ADGRL2: variants seen among roughly 807,000 people sequenced by gnomAD.
ADGRL2 encodes adhesion G protein-coupled receptor L2.
Under a neutral mutation model 157.4 loss-of-function variants are expected in ADGRL2, and 44 were observed. The ratio of observed to expected loss-of-function variants is 0.28; its 90% confidence interval spans 0.22 to 0.36. The LOEUF (loss-of-function observed/expected upper bound fraction) is 0.36. Among genes scored for constraint, ADGRL2 ranks in the 10% least tolerant of loss-of-function variants. The pLI is 1.00. For missense variants in ADGRL2, 1,510 were observed against 1,768.9 expected, an observed-to-expected ratio of 0.85 and a Z score of 2.63; for synonymous variants, 585 against 624.7, an observed-to-expected ratio of 0.94 and a Z score of 0.95.
At chr1:81,594,074 A>G (rs930928715) in intron 3 of ADGRL2, among the ~76,000 whole-genome samples, 1 of 152,186 alleles carries the variant, frequency 6.6e-6, no homozygotes, top group Admixed American at 6.5e-5. Context: ...TAAGCTTCCA[A>G]TTTTTAGATT....
intron 2 of ADGRL2, among the ~76,000 whole-genome samples, chr1:81,532,759 A>C (rs2079631837): frequency 6.6e-6 from 1 of 151,810 alleles, no homozygotes; most frequent in Non-Finnish European, 1.5e-5. Context: ...TACAAAAAAT[A>C]AATGTAAAAA....
intron 1 of ADGRL2, among the ~76,000 whole-genome samples, chr1:81,352,576 C>T (rs1433213319): frequency 6.6e-6 from 1 of 152,100 alleles, no homozygotes; most frequent in Admixed American, 6.6e-5. Flanking sequence ...CCTCGAAATT[C>T]TAGCTTCAAT....
chr1:81,493,233 TAGCATGATAGCTC>T (rs2078668947), intron 2 of ADGRL2, among the ~76,000 whole-genome samples: 1 of 152,150 alleles, frequency 6.6e-6, no homozygotes, highest in Non-Finnish European at 1.5e-5. Context: ...CTAAATGCAA[TAGCATGATAGCTC>T]AGCAGATGCA....
chr1:81,682,452 G>A (rs918801022), intron 3 of ADGRL2, among the ~76,000 whole-genome samples: 1 of 152,100 alleles, frequency 6.6e-6, no homozygotes, highest in Non-Finnish European at 1.5e-5. Flanking sequence ...TGTTTCATAT[G>A]CTTCACTGCA....
At chr1:81,573,402 T>C (rs1033558791) in intron 2 of ADGRL2, among the ~76,000 whole-genome samples, 5 of 152,154 alleles carry the variant, frequency 3.3e-5, no homozygotes, top group Non-Finnish European at 5.9e-5. Context: ...CCTTTCCCAC[T>C]CTGTTTCTTT....
chr1:81,326,864 T>C (rs981911942), intron 1 of ADGRL2, among the ~76,000 whole-genome samples: 1 of 152,346 alleles, frequency 6.6e-6, no homozygotes, highest in East Asian at 1.9e-4. Context: ...AGCTAGGAGA[T>C]AAACTGATCG....
intron 2 of ADGRL2, among the ~76,000 whole-genome samples, chr1:81,553,244 C>T (rs920677404): frequency 6.6e-6 from 1 of 152,078 alleles, no homozygotes; most frequent in South Asian, 2.1e-4. Context: ...TTTATATCTG[C>T]ATATAATAAA....
chr1:81,700,367 T>C (rs2149028734), intron 1 of ADGRL2, among the ~76,000 whole-genome samples: 1 of 152,292 alleles, frequency 6.6e-6, no homozygotes, highest in Non-Finnish European at 1.5e-5. Flanking sequence ...TCCATTATGT[T>C]TGATAAGGAT....
In ADGRL2 at chr1:81,991,056, G is replaced by T. The variant is rs773682494; in HGVS notation, c.4321G>T (p.Asp1441Tyr). 6.2e-7 allele frequency: 1 copy of T among 1,613,774 alleles called. No individual in the cohort carries two copies. Residue 1441 changes from aspartate to tyrosine, a missense_variant, in exon 24 of 24, where the codon GAT becomes TAT. Transcript: ENST00000686636. The part of the protein sequence containing the change: ...MCYQISRGNS[D>Y]GYIIPINKEG... ...CTACCAGATCAGCAGGGGCAATAGT[G>T]ATGGTTATATAATCCCCATTAACAA...
intron 1 of ADGRL2, among the ~76,000 whole-genome samples, chr1:81,748,261 G>T (rs933427283): frequency 1.3e-5 from 2 of 151,860 alleles, no homozygotes; most frequent in Non-Finnish European, 2.9e-5. Flanking sequence ...GACAGATCAC[G>T]AGGTCAAGAG....
chr1:81,867,369 C>A (rs2093571096), intron 2 of ADGRL2, among the ~76,000 whole-genome samples: 1 of 152,150 alleles, frequency 6.6e-6, no homozygotes, highest in Non-Finnish European at 1.5e-5. Flanking sequence ...TAAAAACGAA[C>A]CAAACTTCTT....
At chr1:81,310,163 C>T (rs17452252) in intron 1 of ADGRL2, among the ~76,000 whole-genome samples, 6,042 of 152,152 alleles carry the variant, frequency 0.04, 185 homozygotes, top group Middle Eastern at 0.095. Context: ...CATGTTTAAA[C>T]GGTCTGACGG....
intron 2 of ADGRL2, among the ~76,000 whole-genome samples, chr1:81,768,887 C>G (rs1443077584): frequency 1.3e-5 from 2 of 152,120 alleles, no homozygotes; most frequent in South Asian, 2.1e-4. Flanking sequence ...TTGAGACTAG[C>G]CTGGCCAACA....
intron 3 of ADGRL2, among the ~76,000 whole-genome samples, chr1:81,661,825 G>A (rs1313728440): frequency 1.3e-5 from 2 of 152,084 alleles, no homozygotes; most frequent in African/African-American, 4.8e-5. Context: ...CATATTCTGG[G>A]TGAATGTATT....
At chr1:81,936,933 A>G (rs1329574256) in intron 4 of ADGRL2, 96 bp downstream of exon 4, 2 of 752,756 alleles carry the variant, frequency 2.7e-6, no homozygotes, top group East Asian at 2.5e-5. Flanking sequence ...TTTATGGCCT[A>G]CAAAACCATT....
chr1:81,364,925 A>T (rs1177865102), intron 1 of ADGRL2, among the ~76,000 whole-genome samples: 1 of 152,088 alleles, frequency 6.6e-6, no homozygotes, highest in Non-Finnish European at 1.5e-5. Context: ...AGGCCTCCCA[A>T]AGTGCTGAGA....
At chr1:81,362,083 C>T (rs2075989578) in intron 1 of ADGRL2, among the ~76,000 whole-genome samples, 1 of 151,870 alleles carries the variant, frequency 6.6e-6, no homozygotes, top group South Asian at 2.1e-4. Flanking sequence ...TCCCAAGGTG[C>T]TAAATATTAG....
chr1:81,585,898 C>T (rs1440194631), intron 3 of ADGRL2: 1 of 151,322 alleles, frequency 6.6e-6, no homozygotes, highest in Non-Finnish European at 1.5e-5. Flanking sequence ...TACACACAAA[C>T]ACATTTAAGG....
At chr1:81,952,878 A>G (rs547978767) in intron 9 of ADGRL2, 109 bp from the exon 10 acceptor site, 7 of 820,198 alleles carry the variant, frequency 8.5e-6, no homozygotes, top group African/African-American at 8.4e-5. Flanking sequence ...ACTACTGCAT[A>G]TAAACTTCGA....
Sources: allele counts gnomAD v4.1 joint callset (sites outside exome capture counted in the v4.1 genomes callset), GRCh38; gene constraint gnomAD v4.1.1; transcripts MANE v1.5; gene names NCBI Gene and HGNC (gene_info 2026-07-23, HGNC 2026-07-21).